The following RB1 variants were observed in gnomAD, a reference collection of about 807,000 sequenced individuals.
RB1 encodes retinoblastoma-associated protein.
RB1 carries 18 observed loss-of-function variants against 135.4 expected under a neutral mutation model. The observed-to-expected ratio is 0.13, with a 90% CI of 0.09 to 0.20. The LOEUF (loss-of-function observed/expected upper bound fraction) is 0.20. Among genes scored for constraint, RB1 ranks in the 10% least tolerant of loss-of-function variants. The pLI is 1.00. For synonymous variants in RB1, 365 were observed against 373.2 expected (o/e 0.98, Z 0.25); for missense variants, 868 against 1,110.0 (o/e 0.78, Z 3.10).
At chr13:48,390,148 AAAAC>A (rs1948600209) in intron 17 of RB1, among the ~76,000 whole-genome samples, 1 of 152,170 alleles carries the variant, frequency 6.6e-6, no homozygotes, top group African/African-American at 2.4e-5. Context: ...TCCTGCCTCA[AAAAC>A]AAACAAAACA....
chr13:48,331,341 A>T (rs1203903571), intron 2 of RB1, among the ~76,000 whole-genome samples: 1 of 152,176 alleles, frequency 6.6e-6, no homozygotes, highest in Non-Finnish European at 1.5e-5. Flanking sequence ...CCCCTCTAAA[A>T]CTCATGTTGA....
intron 17 of RB1, among the ~76,000 whole-genome samples, chr13:48,448,674 T>C (rs1051261365): frequency 1.3e-5 from 2 of 152,210 alleles, no homozygotes; most frequent in Non-Finnish European, 2.9e-5. Context: ...CCTGAAAGTT[T>C]AGAGTTGAAA....
intron 17 of RB1, among the ~76,000 whole-genome samples, chr13:48,416,991 G>A (rs1307705621): frequency 6.6e-6 from 1 of 152,198 alleles, no homozygotes; most frequent in Non-Finnish European, 1.5e-5. Flanking sequence ...GGTGGCTATT[G>A]GTGCAGCTTC....
intron 18 of RB1, among the ~76,000 whole-genome samples, chr13:48,455,109 G>A (rs574700456): frequency 6.6e-6 from 1 of 152,234 alleles, no homozygotes; most frequent in South Asian, 2.1e-4. Flanking sequence ...GAAATGGAGA[G>A]ATCTGGGGTG....
intron 12 of RB1, among the ~76,000 whole-genome samples, chr13:48,375,369 C>T (rs962066965): frequency 1.3e-5 from 2 of 151,704 alleles, no homozygotes; most frequent in Admixed American, 6.6e-5. Context: ...TGCCACCTTC[C>T]CTCCATGTAA....
rs547355189 is a variant in RB1, at chr13:48,365,095, G to T, written c.939+124G>T. On this transcript the variant is annotated intron_variant, in intron 9 of 26. Transcript: ENST00000267163. The stretch of plus-strand genomic sequence containing the variant: ...TTTTTTTTTGCCCAAGAAGAATCTA[G>T]CCAAGTAGAATTGTGGTGAAACTAA... 2.4e-6 allele frequency: 3 copies of T among 1,226,082 alleles called. No individual in the cohort carries two copies. The African/African-American group carries it at 4.6e-5, about 19-fold the overall frequency. 76.0% of individuals were successfully genotyped at this position (1,226,082 alleles called of 1,614,324 possible).
chr13:48,397,713 TGTATGA>T (rs1476127558), intron 17 of RB1, among the ~76,000 whole-genome samples: 2 of 152,364 alleles, frequency 1.3e-5, no homozygotes, highest in East Asian at 1.9e-4. Context: ...GGTCATTTTA[TGTATGA>T]GTATAATTTG....
intron 19 of RB1, among the ~76,000 whole-genome samples, chr13:48,458,957 G>A (rs1394687020): frequency 6.6e-6 from 1 of 151,908 alleles, no homozygotes; most frequent in East Asian, 1.9e-4. Context: ...TTTTAGGATT[G>A]GAAAAATTCA....
chr13:48,368,458 C>CT, intron 10 of RB1, 69 bp from the exon 11 acceptor site: 4 of 1,595,362 alleles, frequency 2.5e-6, no homozygotes, highest in Non-Finnish European at 3.4e-6. Context: ...CATTATACTG[C>CT]TTTTTTGATG....
chr13:48,445,904 G>A (rs976687727), intron 17 of RB1, among the ~76,000 whole-genome samples: 1 of 152,160 alleles, frequency 6.6e-6, no homozygotes, highest in African/African-American at 2.4e-5. Flanking sequence ...GGGGAAAGGA[G>A]CAGATAACAC....
At chr13:48,367,415 T>C in intron 9 of RB1, 79 bp from the exon 10 acceptor site, 1 of 1,481,030 alleles carries the variant, frequency 6.8e-7, no homozygotes, top group East Asian at 2.4e-5. Flanking sequence ...AAAAATTCTT[T>C]AATGAAATCT....
chr13:48,379,772 C>A, intron 14 of RB1, 122 bp downstream of exon 14: 2 of 1,274,902 alleles, frequency 1.6e-6, no homozygotes, highest in Non-Finnish European at 2.2e-6. Context: ...TCATCCTGGC[C>A]AAAATGGTGA....
At chr13:48,304,379 A>G (rs759622480) in intron 1 of RB1, among the ~76,000 whole-genome samples, 1 of 152,152 alleles carries the variant, frequency 6.6e-6, no homozygotes, top group East Asian at 1.9e-4. Flanking sequence ...AAAATGAAAA[A>G]TAAAAATACA....
intron 6 of RB1, among the ~76,000 whole-genome samples, chr13:48,351,722 G>A (rs1015589050): frequency 6.6e-6 from 1 of 151,358 alleles, no homozygotes; most frequent in Non-Finnish European, 1.5e-5. Flanking sequence ...CACCCAGGCT[G>A]GAGTGCAGTG....
Position 48,339,175 on chromosome 13 carries a change from G to A in RB1, c.265-3424G>A, listed in dbSNP as rs141727073. Among the ~76,000 whole-genome samples, 1,514 of 152,162 alleles carry A rather than the reference G, an allele frequency of 9.9e-3. 35 individuals carry two copies. The highest frequency in any genetic ancestry group is 0.035 in the African/African-American group (1,437 of 41,504). ...TTCTCAGATCTCAAACTTCATGCTG[G>A]GAGAACCACTACGCTCTTCAAAGCT... On this transcript the variant is annotated intron_variant, in intron 2 of 26. Transcript: ENST00000267163.
chr13:48,359,875 CAAAA>C, intron 6 of RB1, 138 bp from the exon 7 acceptor site: 5 of 1,110,224 alleles, frequency 4.5e-6, no homozygotes, highest in Admixed American at 3.6e-5. Flanking sequence ...TTTTTTTTTA[CAAAA>C]AAAAGAAAGA....
At chr13:48,415,107 A>G (rs1456643491) in intron 17 of RB1, among the ~76,000 whole-genome samples, 1 of 152,060 alleles carries the variant, frequency 6.6e-6, no homozygotes, top group Non-Finnish European at 1.5e-5. Context: ...ATGCAGTTGT[A>G]TATGCTGATC....
intron 2 of RB1, chr13:48,318,334 T>G (rs1952203789): frequency 1.2e-5 from 16 of 1,383,498 alleles, no homozygotes; most frequent in Non-Finnish European, 1.5e-5. Flanking sequence ...CTGACCTTCC[T>G]GCACGCAGCC....
chr13:48,421,806 A>T (rs1029029769), intron 17 of RB1, among the ~76,000 whole-genome samples: 5 of 152,234 alleles, frequency 3.3e-5, no homozygotes, highest in Non-Finnish European at 7.3e-5. Context: ...TGCAAATCAA[A>T]ACCACAATGA....
Sources: allele counts gnomAD v4.1 joint callset (sites outside exome capture counted in the v4.1 genomes callset), GRCh38; gene constraint gnomAD v4.1.1; transcripts MANE v1.5; gene names NCBI Gene and HGNC (gene_info 2026-07-23, HGNC 2026-07-21).